Variants in MMP10 observed in about 807,000 individuals in gnomAD.
The protein encoded by MMP10 is stromelysin-2.
A neutral mutation model predicts 49.1 loss-of-function variants in MMP10; 50 were observed. That is an observed-to-expected ratio of 1.02 (90% CI 0.81 to 1.29). MMP10 has a LOEUF of 1.29. Ranked by LOEUF, MMP10 falls within the 50% of genes most tolerant of loss-of-function variation. The pLI, the probability that MMP10 is intolerant of heterozygous loss-of-function variation, is 0.00. For missense variants in MMP10, 613 were observed against 563.8 expected (o/e 1.09, Z -0.88); for synonymous variants, 229 against 201.6 (o/e 1.14, Z -1.15).
At chr11:102,777,623 T>C (rs1412071494) in intron 4 of MMP10, among the ~76,000 whole-genome samples, 1 of 152,164 alleles carries the variant, frequency 6.6e-6, no homozygotes, top group Non-Finnish European at 1.5e-5. Context: ...TGTACAATCT[T>C]TAGTTTAAAA....
In MMP10 at chr11:102,776,371, A is replaced by T. The variant is rs749145140; in HGVS notation, c.841T>A (p.Ser281Thr). The T allele has an allele frequency of 1.4e-5, 22 of 1,613,802 alleles. No homozygotes were observed. Among genetic ancestry groups the T allele is most frequent in the Non-Finnish European group, 1.6e-5 (19 of 1,179,884 alleles). ...CACTTGGCTGGCATCTCAGATCCCG[A>T]AGGAACAGATTTTGTGGGCACCAGG... The part of the protein sequence containing the change: ...EPLVPTKSVP[S>T]GSEMPAKCDP... The change falls in exon 6 of 10, where the codon TCG becomes ACG. Residue 281 changes from serine to threonine, a missense_variant. By Grantham distance (58) the Ser-to-Thr change is moderately conservative. Transcript: ENST00000279441.
chr11:102,779,150 T>A, intron 3 of MMP10, 63 bp downstream of exon 3: 1 of 1,577,094 alleles, frequency 6.3e-7, no homozygotes. Context: ...CAGTCTAAGG[T>A]AACTTGCTAT....
chr11:102,780,587 A>G lies in MMP10; in HGVS notation c.5T>C (p.Met2Thr). ...CAACAGCACAAGGAATGCAAGATGC[A>G]TCATTCTCACTGCCCTTACCTTCTT... M[M>T]HLAFLVLLCL... The change falls in exon 1 of 10, where the codon ATG becomes ACG. Residue 2 changes from methionine to threonine, a missense_variant. By Grantham distance (81) the Met-to-Thr change is moderately conservative. Transcript: ENST00000279441. The G allele has an allele frequency of 6.2e-7, 1 of 1,613,600 alleles. No individual in the cohort carries two copies. The highest frequency in any genetic ancestry group is 1.1e-5 in the South Asian group (1 of 90,936).
At chr11:102,771,912 G>T in intron 9 of MMP10, 100 bp downstream of exon 9, 2 of 772,670 alleles carry the variant, frequency 2.6e-6, no homozygotes, top group South Asian at 1.6e-5. Context: ...AAAGATATCA[G>T]ACTGAATGAT....
intron 1 of MMP10, 110 bp downstream of exon 1, chr11:102,780,377 C>T (rs1857812640): frequency 2.5e-6 from 2 of 814,290 alleles, no homozygotes; most frequent in South Asian, 1.6e-5. Context: ...TCTGATGCTA[C>T]AGTTTTCTAA....
chr11:102,772,943 G>T lies in MMP10; in HGVS notation c.1130C>A (p.Thr377Asn). 1 of 1,613,560 alleles carries T rather than the reference G, an allele frequency of 6.2e-7. No homozygotes were observed. The highest frequency in any genetic ancestry group is 8.5e-7 in the Non-Finnish European group (1 of 1,179,660). Reference protein sequence around the residue: ...VQAGYPRGIHTLGFPPTIRKI... With the variant: ...VQAGYPRGIHNLGFPPTIRKI... ...CCTTATGGTTGGAGGAAAACCCAGG[G>T]TATGGATGCCTCTTGGATAACCTGC... The change falls in exon 8 of 10, where the codon ACC becomes AAC. Residue 377 changes from threonine (T) to asparagine (N), a missense_variant. Physicochemically the swap from Thr to Asn is moderately conservative, Grantham distance 65 (BLOSUM62 0). Coordinates refer to ENST00000279441, the MANE Select transcript of MMP10 (RefSeq NM_002425.3). The surrounding 1 kb of genome is among the most constrained non-coding windows in gnomAD (Gnocchi z 4.4).
chr11:102,779,505 T>G lies in MMP10; in HGVS notation c.346A>C (p.Arg116=), dbSNP rs1857794216. 1 of 1,613,918 alleles carries G rather than the reference T, an allele frequency of 6.2e-7. No individual in the cohort carries two copies. The highest frequency in any genetic ancestry group is 1.1e-5 in the South Asian group (1 of 91,076). Reference sequence around the variant, plus strand: ...GTGAAAACTAATCTGAACCATTACCTGTATGTAAGGTGGGTTTTCCTCCAC... The same window carrying G: ...GTGAAAACTAATCTGAACCATTACCGGTATGTAAGGTGGGTTTTCCTCCAC... ...PKWRKTHLTY[R]IVNYTPDLPR... is the part of the protein sequence containing the mutation. The change falls in exon 2 of 10, where the codon AGG becomes CGG. Residue 116 remains arginine (R), a splice_region_variant and synonymous_variant. Coordinates refer to ENST00000279441, the MANE Select transcript of MMP10 (RefSeq NM_002425.3).
At chr11:102,775,411 C>T in intron 6 of MMP10, 90 bp from the exon 7 acceptor site, 1 of 1,108,846 alleles carries the variant, frequency 9.0e-7, no homozygotes, top group South Asian at 1.9e-5. Context: ...CTAATTCACC[C>T]ATTCATAGAA....
Position 102,779,500 on chromosome 11 carries a change from T to A in MMP10, c.347+4A>T. Reference sequence around the variant, plus strand: ...ATTATGTGAAAACTAATCTGAACCATTACCTGTATGTAAGGTGGGTTTTCC... The same window carrying A: ...ATTATGTGAAAACTAATCTGAACCAATACCTGTATGTAAGGTGGGTTTTCC... On this transcript the variant is annotated splice_donor_region_variant and intron_variant, in intron 2 of 9. Coordinates refer to ENST00000279441, the MANE Select transcript of MMP10 (RefSeq NM_002425.3). The A allele has an allele frequency of 1.9e-6, 3 of 1,614,002 alleles. No individual in the cohort carries two copies. The highest frequency in any genetic ancestry group is 2.5e-6 in the Non-Finnish European group (3 of 1,179,964).
rs776186763 is a variant in MMP10, at chr11:102,776,759, C to T, written c.640G>A (p.Val214Ile). The change falls in exon 5 of 10, where the codon GTT (valine) becomes ATT (isoleucine). Residue 214 changes from valine (V) to isoleucine (I), a missense_variant. By Grantham distance (29) the Val-to-Ile change is conservative (BLOSUM62 3). Coordinates refer to ENST00000279441, the MANE Select transcript of MMP10 (RefSeq NM_002425.3). ...GAGTGGCCAAGTTCATGAGCAGCAA[C>T]GAGGAATAAATTGGTGCCTGTATGA... ...EDASGTNLFL[V>I]AAHELGHSLG... 20 of 1,613,570 alleles carry T rather than the reference C, an allele frequency of 1.2e-5. No homozygotes were observed. Among genetic ancestry groups the T allele is most frequent in the South Asian group, 7.7e-5 (7 of 91,008 alleles).
chr11:102,775,556 T>C (rs1857715931), intron 6 of MMP10, among the ~76,000 whole-genome samples: 1 of 152,156 alleles, frequency 6.6e-6, no homozygotes, highest in Admixed American at 6.6e-5. Flanking sequence ...TATTATGTCC[T>C]AATATTTTAA....
chr11:102,771,584 G>A (rs1374648878), intron 9 of MMP10, among the ~76,000 whole-genome samples: 3 of 152,154 alleles, frequency 2.0e-5, no homozygotes, highest in Non-Finnish European at 4.4e-5. Context: ...GCAGGCAATC[G>A]CAGACTGCAA....
At position 102,775,251 on chromosome 11, in the gene MMP10, G is replaced by A; in HGVS notation, c.1003C>T (p.Leu335Phe). The change falls in exon 7 of 10, where the codon CTT (leucine) becomes TTT (phenylalanine). Residue 335 changes from leucine (L) to phenylalanine (F), a missense_variant. Leu to Phe is a conservative substitution (Grantham distance 22). Transcript: ENST00000279441. ...FHLISAFWPS[L>F]PSYLDAAYEV... ...TATGCAGCATCCAAATATGATGGAAGAGAGGGCCAAAATGCAGAAATCAAA... is the reference window on the plus strand; with the variant it reads ...TATGCAGCATCCAAATATGATGGAAAAGAGGGCCAAAATGCAGAAATCAAA... The A allele has an allele frequency of 6.2e-7, 1 of 1,610,432 alleles. No individual in the cohort carries two copies. Among genetic ancestry groups the A allele is most frequent in the Non-Finnish European group, 8.5e-7 (1 of 1,177,970 alleles).
rs17860994 is a variant in MMP10 at position 102,772,274 on chromosome 11, C to A, written c.1227-159G>T. ...TTTTTAGAGCTACAAGAATAGGTTA[C>A]TTTCCTGGGCTTACAAGTTTAACAC... On this transcript the variant is annotated intron_variant, in intron 8 of 9. Transcript: ENST00000279441. This position sits in a 1 kb window ranked among gnomAD's most constrained non-coding sequence, Gnocchi z 4.4. Among the ~76,000 whole-genome samples the A allele has an allele frequency of 2.2e-4, 33 of 152,302 alleles. No individual in the cohort carries two copies. Among genetic ancestry groups the A allele is most frequent in the East Asian group, 1.5e-3 (8 of 5,178 alleles).
Position 102,779,325 on chromosome 11 carries a change from A to G in MMP10, c.384T>C (p.Ala128=), listed in dbSNP as rs368271223. The change falls in exon 3 of 10, where the codon GCT becomes GCC. Residue 128 remains alanine, a synonymous_variant. Coordinates refer to ENST00000279441, the MANE Select transcript of MMP10 (RefSeq NM_002425.3). ...GAGCTTTCTCAATGGCAGAATCAAC[A>G]GCATCTCTTGGCAAATCTGGTGTAT... The part of the protein sequence containing the change: ...VNYTPDLPRD[A]VDSAIEKALK... 3.3e-5 allele frequency: 54 copies of G among 1,614,062 alleles called. No individual in the cohort carries two copies. The highest frequency in any genetic ancestry group is 4.6e-5 in the Non-Finnish European group (54 of 1,180,022).
Position 102,775,421 on chromosome 11 carries a change from A to C in MMP10, c.933-100T>G, listed in dbSNP as rs925771685. 22 of 999,744 alleles carry C rather than the reference A, an allele frequency of 2.2e-5. No individual in the cohort carries two copies. The African/African-American group carries it at 3.0e-4, about 13-fold the overall frequency. 61.9% of individuals were successfully genotyped at this position (999,744 alleles called of 1,614,324 possible). On this transcript the variant is annotated intron_variant, in intron 6 of 9. Coordinates refer to ENST00000279441, the MANE Select transcript of MMP10 (RefSeq NM_002425.3). ...CCATGCTAATTCACCCATTCATAGA[A>C]GTCTGTATTAAACCATCCTCCTGCA...
chr11:102,776,454 A>T, intron 5 of MMP10, 30 bp from the exon 6 acceptor site: 1 of 1,604,112 alleles, frequency 6.2e-7, no homozygotes, highest in South Asian at 1.1e-5. Flanking sequence ...GGATGCAAAC[A>T]TTAAAAAAAA....
intron 7 of MMP10, among the ~76,000 whole-genome samples, chr11:102,773,331 T>C (rs539291994): frequency 2.0e-4 from 31 of 152,352 alleles, no homozygotes; most frequent in African/African-American, 7.0e-4. Context: ...GACCTCTCTC[T>C]CTTAAGTTTC....
intron 7 of MMP10, 83 bp downstream of exon 7, chr11:102,775,105 A>G (rs1320785403): frequency 9.3e-7 from 1 of 1,072,596 alleles, no homozygotes; most frequent in Non-Finnish European, 1.2e-6. Context: ...TCTAAACTTT[A>G]ATATAATGGA....
Sources: allele counts gnomAD v4.1 joint callset (sites outside exome capture counted in the v4.1 genomes callset), GRCh38; gene constraint gnomAD v4.1.1; non-coding constraint Gnocchi (gnomAD v3.1); transcripts MANE v1.5; gene names NCBI Gene and HGNC (gene_info 2026-07-23, HGNC 2026-07-21).